The following IGSF21 variants were observed in gnomAD, a reference collection of about 807,000 sequenced individuals.
IGSF21 encodes the protein immunoglobulin superfamily member 21.
IGSF21 carries 28 observed loss-of-function variants against 46.8 expected under a neutral mutation model. The observed-to-expected ratio is 0.60, with a 90% confidence interval of 0.44 to 0.82. IGSF21 has a LOEUF of 0.82. Among genes scored for constraint, IGSF21 ranks in the 40% least tolerant of loss-of-function variants. IGSF21 has a pLI of 0.00. For missense variants in IGSF21, 624 were observed against 665.5 expected (o/e 0.94, Z 0.69); for synonymous variants, 284 against 273.6 (o/e 1.04, Z -0.38).
chr1:18,188,287 T>C (rs1208738473), intron 1 of IGSF21, among the ~76,000 whole-genome samples: 1 of 152,210 alleles, frequency 6.6e-6, no homozygotes, highest in Non-Finnish European at 1.5e-5. Context: ...TATTGCCCCA[T>C]GATTAGATCT....
At chr1:18,297,119 C>CA (rs2085319134) in intron 3 of IGSF21, among the ~76,000 whole-genome samples, 1 of 152,194 alleles carries the variant, frequency 6.6e-6, no homozygotes, top group South Asian at 2.1e-4. Context: ...CCCGCCCCCC[C>CA]ACTAGACTGG....
chr1:18,153,021 T>G lies in IGSF21; in HGVS notation c.70+44823T>G, dbSNP rs570702229. Among the ~76,000 whole-genome samples the G allele has an allele frequency of 1.5e-4, 23 of 152,292 alleles. No individual in the cohort carries two copies. The South Asian group carries it at 2.9e-3, about 19-fold the overall frequency. On this transcript the variant is annotated intron_variant, in intron 1 of 9. Coordinates refer to ENST00000251296, the MANE Select transcript of IGSF21 (RefSeq NM_032880.5). ...TGATGGAAAAGCACGAGGGTTGATG[T>G]TGATTGCTTGCAGTGTGCCGGCCAA...
intron 4 of IGSF21, among the ~76,000 whole-genome samples, chr1:18,341,006 C>CTT (rs1399781247): frequency 1.7e-3 from 134 of 78,340 alleles, no homozygotes; most frequent in African/African-American, 7.2e-3. Context: ...CCTCCTCCTC[C>CTT]TTCTTCTCTT....
intron 2 of IGSF21, among the ~76,000 whole-genome samples, chr1:18,276,807 G>A (rs1046700742): frequency 2.0e-5 from 3 of 152,108 alleles, no homozygotes; most frequent in Admixed American, 6.5e-5. Context: ...CACCCTTCCC[G>A]CTGCCTGCCA....
chr1:18,215,959 G>A (rs2084440296), intron 1 of IGSF21, among the ~76,000 whole-genome samples: 1 of 152,186 alleles, frequency 6.6e-6, no homozygotes, highest in African/African-American at 2.4e-5. Flanking sequence ...CACCCATCCT[G>A]TGTCAAGCAT....
At chr1:18,353,779 A>G (rs889935389) in intron 4 of IGSF21, among the ~76,000 whole-genome samples, 1 of 152,198 alleles carries the variant, frequency 6.6e-6, no homozygotes, top group Admixed American at 6.5e-5. Flanking sequence ...AAAGAGAAAA[A>G]TGTCTCAGTG....
intron 2 of IGSF21, among the ~76,000 whole-genome samples, chr1:18,281,831 G>A (rs541080893): frequency 7.9e-5 from 12 of 152,290 alleles, no homozygotes; most frequent in Admixed American, 5.9e-4. Flanking sequence ...GTCTGGAGGA[G>A]GGACCTGAGT....
chr1:18,305,488 T>TGATGGATGGATGGATGGATGATG (rs1553162218), intron 3 of IGSF21, among the ~76,000 whole-genome samples: 231 of 50,400 alleles, frequency 4.6e-3, no homozygotes, highest in Non-Finnish European at 0.01. Flanking sequence ...GATGGATGGA[T>TGATGGATGGATGGATGGATGATG]GATGGATGGA....
chr1:18,138,778 C>G (rs116206842), intron 1 of IGSF21, among the ~76,000 whole-genome samples: 93 of 152,358 alleles, frequency 6.1e-4, no homozygotes, highest in African/African-American at 2.2e-3. Flanking sequence ...CTCGCCACCA[C>G]CATTAACTGA....
intron 2 of IGSF21, among the ~76,000 whole-genome samples, chr1:18,273,331 ATTCCTTTCCTTTCCTTTCCTTTCCT>A (rs1553159552): frequency 6.8e-4 from 37 of 54,154 alleles, no homozygotes; most frequent in East Asian, 1.6e-3. Flanking sequence ...ATGAGCCACC[ATTCCTTTCCTTTCCTTTCCTTTCCT>A]TTCCTTTCCT....
At chr1:18,340,512 A>G (rs1489400510) in intron 4 of IGSF21, among the ~76,000 whole-genome samples, 1 of 152,234 alleles carries the variant, frequency 6.6e-6, no homozygotes, top group Admixed American at 6.5e-5. Context: ...ATACACTGAC[A>G]ATAAGACAAG....
rs75033825 is a variant in IGSF21 at position 18,337,629 on chromosome 1, G to A, written c.424+2619G>A. Among the ~76,000 whole-genome samples the A allele has an allele frequency of 0.013, 1,645 of 126,188 alleles. 30 individuals carry two copies. The highest frequency in any genetic ancestry group is 0.044 in the African/African-American group (1,540 of 35,070). The allele number at this position is 126,188 out of a possible 152,430, so 82.8% of individuals were successfully genotyped here. A position where few individuals can be genotyped will look rare whatever the true frequency, so the allele number is the denominator to read the frequency against. ...TGTGTCTCTGGGAGTGGCAGAGACA[G>A]GGGTCTCTCCTTACTCACCTTCTCT... On this transcript the variant is annotated intron_variant, in intron 4 of 9. Transcript: ENST00000251296. This position sits in a 1 kb window ranked among gnomAD's most constrained non-coding sequence, Gnocchi z 5.7.
intron 1 of IGSF21, among the ~76,000 whole-genome samples, chr1:18,181,265 A>C (rs71643496): frequency 0.061 from 9,258 of 152,240 alleles, 326 homozygotes; most frequent in African/African-American, 0.088. Context: ...GTGAGCACAT[A>C]GCTCTGCCGA....
rs774370619 is a variant in IGSF21, at chr1:18,252,044, CGTTT to C, written c.183+24035_183+24038del. 1.0e-3 allele frequency among the ~76,000 whole-genome samples: 102 copies of C among 98,990 alleles called. 3 individuals are homozygous for C. The highest frequency in any genetic ancestry group is 2.5e-3 in the African/African-American group (70 of 28,522). The allele number at this position is 98,990 out of a possible 152,430, so 64.9% of individuals were successfully genotyped here. Reference sequence around the variant, plus strand: ...AGGCTGGAACACTTTCTGACCAAGGCGTTTTTTTTTTTTTTTTTTTTTTTGAGAT... The same window carrying C: ...AGGCTGGAACACTTTCTGACCAAGGCTTTTTTTTTTTTTTTTTTTTGAGAT... On this transcript the variant is annotated intron_variant, in intron 2 of 9. Coordinates refer to ENST00000251296, the MANE Select transcript of IGSF21 (RefSeq NM_032880.5).
intron 1 of IGSF21, among the ~76,000 whole-genome samples, chr1:18,173,120 C>G (rs1001252730): frequency 7.2e-5 from 11 of 152,270 alleles, no homozygotes; most frequent in Admixed American, 1.3e-4. Flanking sequence ...AACCCCATCT[C>G]TACTAAAAAT....
intron 2 of IGSF21, among the ~76,000 whole-genome samples, chr1:18,269,205 A>G (rs571633488): frequency 6.6e-6 from 1 of 152,314 alleles, no homozygotes; most frequent in African/African-American, 2.4e-5. Flanking sequence ...TAGCATCTGC[A>G]GGTGAGGGTG....
At chr1:18,205,572 C>T (rs2084310611) in intron 1 of IGSF21, among the ~76,000 whole-genome samples, 1 of 152,136 alleles carries the variant, frequency 6.6e-6, no homozygotes, top group Non-Finnish European at 1.5e-5. Context: ...GGAGGGTAAT[C>T]GCAGAATCAG....
chr1:18,336,665 C>T (rs777792829), intron 4 of IGSF21, among the ~76,000 whole-genome samples: 26 of 152,200 alleles, frequency 1.7e-4, no homozygotes, highest in Non-Finnish European at 3.2e-4. Flanking sequence ...CCATGAGGCC[C>T]ACACTTCCTA....
chr1:18,235,994 G>A (rs2084669548), intron 2 of IGSF21, among the ~76,000 whole-genome samples: 1 of 152,196 alleles, frequency 6.6e-6, no homozygotes, highest in African/African-American at 2.4e-5. Context: ...GAAGGGATGA[G>A]AGAAGGGGGG....
Sources: allele counts gnomAD v4.1 joint callset (sites outside exome capture counted in the v4.1 genomes callset), GRCh38; gene constraint gnomAD v4.1.1; non-coding constraint Gnocchi (gnomAD v3.1); transcripts MANE v1.5; gene names NCBI Gene and HGNC (gene_info 2026-07-23, HGNC 2026-07-21).